The following CSMD3 variants were observed in gnomAD, a reference collection of about 807,000 sequenced individuals.
CSMD3 encodes CUB and sushi domain-containing protein 3.
CSMD3 carries 177 observed loss-of-function variants against 435.2 expected under a neutral mutation model. That is an observed-to-expected ratio of 0.41 (90% CI 0.36 to 0.46). The LOEUF is 0.46. Ranked by LOEUF, CSMD3 falls within the 20% of genes least tolerant of loss-of-function variation. The probability of loss-of-function intolerance (pLI) is 0.34; values close to 1 mark genes in which losing one functional copy is unlikely to be tolerated. For synonymous variants in CSMD3, 1,656 were observed against 1,520.5 expected, an observed-to-expected ratio of 1.09 and a Z score of -2.07; for missense variants, 4,265 against 4,504.6, an observed-to-expected ratio of 0.95 and a Z score of 1.52.
At position 113,377,210 on chromosome 8, in the gene CSMD3, G is replaced by T. The variant is rs567116750; in HGVS notation, c.178+59467C>A. ...CTCCAATGGCCGGAAGTTCGAGCGC[G>T]CGAGAGACCGAAGGGCCAGCCGAGG... On this transcript the variant is annotated intron_variant, in intron 1 of 70. Transcript: ENST00000297405. 9 of 1,051,588 alleles carry T rather than the reference G, an allele frequency of 8.6e-6. No homozygotes were observed. The East Asian group carries it at 4.3e-4, about 50-fold the overall frequency. 65.1% of individuals were successfully genotyped at this position (1,051,588 alleles called of 1,614,324 possible).
intron 12 of CSMD3, among the ~76,000 whole-genome samples, chr8:112,810,992 T>C (rs1475020248): frequency 1.3e-5 from 2 of 152,032 alleles, no homozygotes; most frequent in Non-Finnish European, 2.9e-5. Context: ...TCATGGCTAA[T>C]CAAGAATCTG....
At chr8:112,567,580 A>G (rs2131276118) in intron 24 of CSMD3, among the ~76,000 whole-genome samples, 1 of 152,284 alleles carries the variant, frequency 6.6e-6, no homozygotes, top group Non-Finnish European at 1.5e-5. Flanking sequence ...GTAAAAGGGA[A>G]GATATGCCAG....
intron 2 of CSMD3, among the ~76,000 whole-genome samples, chr8:113,284,230 A>G (rs2093630829): frequency 6.6e-6 from 1 of 151,416 alleles, no homozygotes; most frequent in African/African-American, 2.4e-5. Flanking sequence ...ATACTTATGG[A>G]AAAAAAAAGA....
intron 23 of CSMD3, 79 bp downstream of exon 23, chr8:112,586,987 T>G (rs1290405396): frequency 4.3e-6 from 4 of 938,726 alleles, no homozygotes; most frequent in East Asian, 2.7e-5. Context: ...CATATATATA[T>G]AGATGTATAT....
rs187979632 is a variant in CSMD3 at position 112,586,015 on chromosome 8, A to G, written c.3885+1051T>C. On this transcript the variant is annotated intron_variant, in intron 23 of 70. Coordinates refer to ENST00000297405, the MANE Select transcript of CSMD3 (RefSeq NM_198123.2). ...GCAGAAAATAAGAATGCATATATTGATCCTAGATTAATGTTGAAATTGTAT... is the reference window on the plus strand; with the variant it reads ...GCAGAAAATAAGAATGCATATATTGGTCCTAGATTAATGTTGAAATTGTAT... Among the ~76,000 whole-genome samples the G allele has an allele frequency of 1.3e-4, 20 of 151,774 alleles. No individual in the cohort carries two copies. The East Asian group carries it at 3.5e-3, about 26-fold the overall frequency.
chr8:113,334,802 T>C (rs1687937062), intron 1 of CSMD3, among the ~76,000 whole-genome samples: 1 of 152,128 alleles, frequency 6.6e-6, no homozygotes, highest in Admixed American at 6.6e-5. Flanking sequence ...TTTTTTTCTT[T>C]TAAGGAATCG....
intron 32 of CSMD3, among the ~76,000 whole-genome samples, chr8:112,412,596 A>AT (rs1451118755): frequency 6.6e-6 from 1 of 152,156 alleles, no homozygotes; most frequent in Non-Finnish European, 1.5e-5. Flanking sequence ...GAAAAAATCA[A>AT]TTTTTATAGT....
chr8:112,911,639 ATATGTG>A (rs750550416), intron 10 of CSMD3, among the ~76,000 whole-genome samples: 12 of 42,276 alleles, frequency 2.8e-4, no homozygotes, highest in Non-Finnish European at 4.5e-4. Context: ...GTGTACATAT[ATATGTG>A]TGTGTGTGTG....
chr8:113,426,481 A>C (rs1000153217), intron 1 of CSMD3, among the ~76,000 whole-genome samples: 1 of 151,304 alleles, frequency 6.6e-6, no homozygotes. Flanking sequence ...CCCATAATGT[A>C]AACAAGCAAA....
At chr8:113,259,236 G>A (rs1360439978) in intron 3 of CSMD3, among the ~76,000 whole-genome samples, 1 of 152,114 alleles carries the variant, frequency 6.6e-6, no homozygotes, top group Non-Finnish European at 1.5e-5. Context: ...TTAGTAGACT[G>A]AATCAATCAG....
chr8:113,035,386 A>G (rs1212574968), intron 5 of CSMD3, among the ~76,000 whole-genome samples: 4 of 151,964 alleles, frequency 2.6e-5, no homozygotes, highest in African/African-American at 9.7e-5. Flanking sequence ...AAAGATCCAT[A>G]TACTGTATAC....
At position 112,461,452 on chromosome 8, in the gene CSMD3, T is replaced by C. The variant is rs909355188; in HGVS notation, c.5395+11139A>G. 3.9e-5 allele frequency among the ~76,000 whole-genome samples: 6 copies of C among 152,124 alleles called. 1 individual carries two copies. Among genetic ancestry groups the C allele is most frequent in the Non-Finnish European group, 2.9e-5 (2 of 68,006 alleles). On this transcript the variant is annotated intron_variant, in intron 32 of 70. Coordinates refer to ENST00000297405, the MANE Select transcript of CSMD3 (RefSeq NM_198123.2). Reference sequence around the variant, plus strand: ...ACTTTTTTCTTTTTATTATTTCAAATATTTTCCCATATCAACATCTTAAAG... The same window carrying C: ...ACTTTTTTCTTTTTATTATTTCAAACATTTTCCCATATCAACATCTTAAAG...
rs770249659 is a variant in CSMD3 at position 112,494,395 on chromosome 8, TTTTTC to T, written c.5084-1717_5084-1713del. ...AAAGGCTCACGACCCTACTATTTTC[TTTTTC>T]TTTTCTTTTCTTTTCTTTCTTTCTC... On this transcript the variant is annotated intron_variant, in intron 30 of 70. Coordinates refer to ENST00000297405, the MANE Select transcript of CSMD3 (RefSeq NM_198123.2). Among the ~76,000 whole-genome samples, 360 of 150,896 alleles carry T rather than the reference TTTTTC, an allele frequency of 2.4e-3. 3 individuals carry two copies. The highest frequency in any genetic ancestry group is 6.8e-3 in the Middle Eastern group (2 of 292).
chr8:112,569,094 T>C (rs1829292891), intron 24 of CSMD3, among the ~76,000 whole-genome samples: 1 of 152,140 alleles, frequency 6.6e-6, no homozygotes, highest in South Asian at 2.1e-4. Context: ...CATAAGAGGG[T>C]ATCTTACAGG....
rs571024635 is a variant in CSMD3, at chr8:112,476,048, T to G, written c.5279-3341A>C. Among the ~76,000 whole-genome samples, 13 of 152,288 alleles carry G rather than the reference T, an allele frequency of 8.5e-5. No individual in the cohort carries two copies. In the South Asian group the frequency reaches 2.7e-3, roughly 32 times the overall value. On this transcript the variant is annotated intron_variant, in intron 31 of 70. Transcript: ENST00000297405. ...CATATTTGCATTTTTTAATTTATTT[T>G]TATTTTTATTTTTTGAGACCAAGTT...
intron 5 of CSMD3, among the ~76,000 whole-genome samples, chr8:113,033,931 T>C: frequency 6.6e-6 from 1 of 151,338 alleles, no homozygotes; most frequent in East Asian, 1.9e-4. Flanking sequence ...TCTCAGGAGA[T>C]CTGATAGTTT....
At chr8:112,295,719 T>A in intron 54 of CSMD3, 114 bp downstream of exon 54, 1 of 895,932 alleles carries the variant, frequency 1.1e-6, no homozygotes, top group Non-Finnish European at 1.8e-6. Flanking sequence ...TTGTGGAAAT[T>A]TACTTTATAT....
chr8:112,899,514 C>CTA (rs200341992), intron 10 of CSMD3, among the ~76,000 whole-genome samples: 5,422 of 135,960 alleles, frequency 0.04, 136 homozygotes, highest in Non-Finnish European at 0.048. Flanking sequence ...TATATATTTT[C>CTA]TATATATATA....
chr8:113,030,311 T>G (rs1236792545), intron 5 of CSMD3, among the ~76,000 whole-genome samples: 1 of 148,476 alleles, frequency 6.7e-6, no homozygotes, highest in Admixed American at 6.7e-5. Context: ...AAAGAGCTGG[T>G]TTAGCCAAAG....
Sources: gnomAD v4.1 joint callset for allele counts (sites outside exome capture counted in the v4.1 genomes callset) on GRCh38, gnomAD v4.1.1 for gene constraint, MANE v1.5 for transcripts, NCBI Gene and HGNC (gene_info 2026-07-23, HGNC 2026-07-21) for gene names.